Variants in PIGB observed in about 807,000 individuals in gnomAD.
The protein encoded by PIGB is GPI alpha-1,2-mannosyltransferase 3.
In PIGB, 58 loss-of-function variants were observed where a neutral mutation model predicts 68.4. The ratio of observed to expected loss-of-function variants is 0.85; its 90% confidence interval spans 0.69 to 1.06. PIGB has a LOEUF of 1.06. PIGB is among the 50% of genes least tolerant of loss of function. The pLI is 0.00. For synonymous variants in PIGB, 219 were observed against 220.5 expected (o/e 0.99, Z 0.06); for missense variants, 634 against 655.8 (o/e 0.97, Z 0.36).
At chr15:55,319,541 T>C (rs1367910233) in intron 1 of PIGB, 128 bp downstream of exon 1, 2 of 650,334 alleles carry the variant, frequency 3.1e-6, no homozygotes, top group Non-Finnish European at 5.1e-6. Context: ...TGCTGGGAAA[T>C]GCTGGAAACA....
At chr15:55,336,522 CA>C (rs1295705097) in intron 6 of PIGB, among the ~76,000 whole-genome samples, 2 of 152,260 alleles carry the variant, frequency 1.3e-5, no homozygotes, top group African/African-American at 4.8e-5. Flanking sequence ...TGAGCAAAAT[CA>C]TCTAACACAA....
At position 55,324,717 on chromosome 15, in the gene PIGB, C is replaced by G. The variant is rs116329879; in HGVS notation, c.418-2814C>G. The G allele has an allele frequency of 3.3e-3, 1,752 of 527,480 alleles. 19 individuals are homozygous for G. The highest frequency in any genetic ancestry group is 0.026 in the African/African-American group (1,272 of 48,608). The allele number at this position is 527,480 out of a possible 1,614,324, so 32.7% of individuals were successfully genotyped here. A position where few individuals can be genotyped will look rare whatever the true frequency, so the allele number is the denominator to read the frequency against. On this transcript the variant is annotated intron_variant, in intron 3 of 11. Transcript: ENST00000164305. The stretch of plus-strand genomic sequence containing the variant: ...ATTCTTTTAGCTTTTTAATAGCTAC[C>G]TCACACTGTTGGCTCATATTAAGTT...
intron 7 of PIGB, 157 bp from the exon 8 acceptor site, chr15:55,340,455 T>TAAA (rs377443578): frequency 0.011 from 3,472 of 315,066 alleles, 99 homozygotes; most frequent in African/African-American, 0.068. Context: ...GACTCCATCT[T>TAAA]AAAAAAAAAA....
intron 6 of PIGB, among the ~76,000 whole-genome samples, chr15:55,339,056 TA>T (rs1451517971): frequency 6.6e-6 from 1 of 152,234 alleles, no homozygotes; most frequent in African/African-American, 2.4e-5. Flanking sequence ...TTTATTAATA[TA>T]TTTTTTACAA....
intron 8 of PIGB, among the ~76,000 whole-genome samples, chr15:55,341,476 A>G (rs2055669387): frequency 6.6e-6 from 1 of 152,218 alleles, no homozygotes; most frequent in South Asian, 2.1e-4. Context: ...ACTTACTTGG[A>G]TTGAAATAGA....
At chr15:55,321,459 CT>C (rs2055161048) in intron 3 of PIGB, 69 bp downstream of exon 3, 2 of 1,341,192 alleles carry the variant, frequency 1.5e-6, no homozygotes, top group African/African-American at 2.9e-5. Flanking sequence ...GCTACTGTTG[CT>C]GAAGTCCAGC....
At position 55,329,770 on chromosome 15, in the gene PIGB, G is replaced by A. The variant is rs1418619655; in HGVS notation, c.569G>A (p.Arg190Lys). ...CSWFTWYCCT[R>K]TLTNTMETVL... ...TGGTTCACATGGTATTGCTGTACCA[G>A]AACCCTTACAAACACCATGGAAACT... is the stretch of plus-strand genomic sequence containing the variant. The change falls in exon 5 of 12, where the codon AGA becomes AAA. Residue 190 changes from arginine (R) to lysine (K), a missense_variant. Coordinates refer to ENST00000164305, the MANE Select transcript of PIGB (RefSeq NM_004855.5). 1.2e-6 allele frequency: 2 copies of A among 1,610,822 alleles called. No individual in the cohort carries two copies. The highest frequency in any genetic ancestry group is 1.7e-6 in the Non-Finnish European group (2 of 1,177,190).
chr15:55,322,524 C>CA (rs754862537), intron 3 of PIGB, among the ~76,000 whole-genome samples: 9 of 152,234 alleles, frequency 5.9e-5, no homozygotes, highest in Non-Finnish European at 1.3e-4. Context: ...AGATGAGACT[C>CA]AGAGTTTGTG....
intron 9 of PIGB, among the ~76,000 whole-genome samples, chr15:55,345,455 T>C (rs1817503911): frequency 6.6e-6 from 1 of 152,174 alleles, no homozygotes; most frequent in Non-Finnish European, 1.5e-5. Context: ...CTTAACAAAA[T>C]AGCAACATAA....
chr15:55,349,353 T>G (rs1278551641), intron 9 of PIGB, among the ~76,000 whole-genome samples: 1 of 151,190 alleles, frequency 6.6e-6, no homozygotes, highest in Admixed American at 6.6e-5. Flanking sequence ...TGGCTAATTT[T>G]TTTTTATTTT....
chr15:55,343,238 C>T lies in PIGB; in HGVS notation c.1123+1436C>T, dbSNP rs149751176. 1.3e-3 allele frequency: 191 copies of T among 152,106 alleles called. 2 individuals are homozygous for T. The highest frequency in any genetic ancestry group is 4.4e-3 in the African/African-American group (183 of 41,438). 9.4% of individuals were successfully genotyped at this position (152,106 alleles called of 1,614,324 possible). A position where few individuals can be genotyped will look rare whatever the true frequency, so the allele number is the denominator to read the frequency against. On this transcript the variant is annotated intron_variant, in intron 9 of 11. Transcript: ENST00000164305. ...ACTTTACAGTGTAACCACATACAAA[C>T]GCAGGCACATACAAAAATTTAGACA...
chr15:55,338,372 A>C (rs1297105856), intron 6 of PIGB, among the ~76,000 whole-genome samples: 1 of 152,220 alleles, frequency 6.6e-6, no homozygotes, highest in African/African-American at 2.4e-5. Flanking sequence ...GTGGCCAGGC[A>C]CAGTGGCTTA....
intron 9 of PIGB, among the ~76,000 whole-genome samples, chr15:55,345,148 C>T (rs978522333): frequency 1.3e-5 from 2 of 151,956 alleles, no homozygotes; most frequent in Admixed American, 6.6e-5. Context: ...GCCTTGGCCT[C>T]CCAAAGTGCT....
intron 9 of PIGB, among the ~76,000 whole-genome samples, chr15:55,348,034 G>A (rs1001963172): frequency 6.8e-6 from 1 of 146,446 alleles, no homozygotes; most frequent in Non-Finnish European, 1.5e-5. Context: ...CTGTCACCAG[G>A]CTGGAGTGCA....
Position 55,329,845 on chromosome 15 carries a change from C to T in PIGB, c.644C>T (p.Ser215Phe), listed in dbSNP as rs751618727. 47 of 1,570,542 alleles carry T rather than the reference C, an allele frequency of 3.0e-5. No homozygotes were observed. Among genetic ancestry groups the T allele is most frequent in the Non-Finnish European group, 4.0e-5 (46 of 1,152,116 alleles). The change falls in exon 5 of 12, where the codon TCT becomes TTT. Residue 215 changes from serine (S) to phenylalanine (F), a missense_variant. Coordinates refer to ENST00000164305, the MANE Select transcript of PIGB (RefSeq NM_004855.5). ...TACTATCCTTTGGAAGGTTCAAAGT[C>T]TATGAACAGGTAAGAAAAATTATTG... ...LFYYPLEGSK[S>F]MNSVKYSSLV...
intron 4 of PIGB, among the ~76,000 whole-genome samples, chr15:55,328,040 C>T (rs991939978): frequency 1.6e-4 from 25 of 152,140 alleles, no homozygotes; most frequent in African/African-American, 5.8e-4. Context: ...AGGTGCAGCC[C>T]GAGAAATCTT....
chr15:55,332,379 CT>C (rs1273499062), intron 5 of PIGB, among the ~76,000 whole-genome samples: 1 of 143,902 alleles, frequency 6.9e-6, no homozygotes, highest in East Asian at 2.0e-4. Context: ...TTTTTTTTTT[CT>C]TTTTTTTGAG....
Position 55,355,380 on chromosome 15 carries a change from A to G in PIGB, c.1613A>G (p.Tyr538Cys), listed in dbSNP as rs377008200. ...LPEGRIGSHI[Y>C]VYERKLKGKF... ...GAGGGTCGAATTGGAAGTCACATAT[A>G]TGTCTATGAACGGAAGTTAAAAGGG... The change falls in exon 12 of 12, where the codon TAT (tyrosine) becomes TGT (cysteine). Residue 538 changes from tyrosine to cysteine, a missense_variant. Tyr to Cys is a radical substitution (Grantham distance 194). Coordinates refer to ENST00000164305, the MANE Select transcript of PIGB (RefSeq NM_004855.5). 3 of 1,611,942 alleles carry G rather than the reference A, an allele frequency of 1.9e-6. No homozygotes were observed. The highest frequency in any genetic ancestry group is 1.7e-5 in the Admixed American group (1 of 59,894).
chr15:55,326,371 C>T (rs78069885), intron 3 of PIGB, among the ~76,000 whole-genome samples: 7,750 of 152,214 alleles, frequency 0.051, 269 homozygotes, highest in East Asian at 0.15. Flanking sequence ...GGCTTTCATA[C>T]TTACTAGCTG....
Sources: allele counts gnomAD v4.1 joint callset (sites outside exome capture counted in the v4.1 genomes callset), GRCh38; gene constraint gnomAD v4.1.1; transcripts MANE v1.5; gene names NCBI Gene and HGNC (gene_info 2026-07-23, HGNC 2026-07-21).